Variants in ABTB3 observed in about 807,000 individuals in gnomAD.
ABTB3 encodes ankyrin repeat and BTB domain containing 3.
chr12:107,337,276 G>A, the ABTB3 span, among the ~76,000 whole-genome samples: 7 of 152,334 alleles, frequency 4.6e-5, no homozygotes, highest in African/African-American at 1.7e-4. Context: ...CTGCTGGCAG[G>A]CAAGTGAGTC....
the ABTB3 span, among the ~76,000 whole-genome samples, chr12:107,328,809 C>G: frequency 6.6e-6 from 1 of 152,194 alleles, no homozygotes; most frequent in Non-Finnish European, 1.5e-5. Context: ...CATAGGGGCC[C>G]CCAGGAGGAT....
At chr12:107,593,639 AT>A in the ABTB3 span, among the ~76,000 whole-genome samples, 13 of 152,378 alleles carry the variant, frequency 8.5e-5, no homozygotes, top group Admixed American at 8.5e-4. Flanking sequence ...ATATAGATTC[AT>A]TAGTTATAAT....
chr12:107,631,343 G>C, the ABTB3 span, among the ~76,000 whole-genome samples: 2 of 152,144 alleles, frequency 1.3e-5, no homozygotes, highest in Non-Finnish European at 2.9e-5. Flanking sequence ...TCTTTATCCA[G>C]TGCACCACTG....
chr12:107,601,936 T>G, the ABTB3 span, among the ~76,000 whole-genome samples: 1 of 152,122 alleles, frequency 6.6e-6, no homozygotes. Context: ...GCCTGGTGAG[T>G]GAGGGCACAG....
the ABTB3 span, among the ~76,000 whole-genome samples, chr12:107,490,012 G>GA: frequency 1.4e-3 from 215 of 150,918 alleles, 1 homozygote; most frequent in African/African-American, 4.8e-3. Context: ...AATATAGTTA[G>GA]AAAAAAAAAT....
chr12:107,628,523 T>G, the ABTB3 span, among the ~76,000 whole-genome samples: 1 of 152,208 alleles, frequency 6.6e-6, no homozygotes, highest in African/African-American at 2.4e-5. Flanking sequence ...TACTTTCTCT[T>G]GATTCTGAGA....
the ABTB3 span, among the ~76,000 whole-genome samples, chr12:107,550,310 T>C: frequency 2.9e-4 from 44 of 152,096 alleles, no homozygotes; most frequent in African/African-American, 7.5e-4. Context: ...CTGTCATTGT[T>C]TCCCCTAAAG....
At chr12:107,377,388 TGAGA>T in the ABTB3 span, among the ~76,000 whole-genome samples, 123 of 140,432 alleles carry the variant, frequency 8.8e-4, 1 homozygote, top group East Asian at 2.5e-3. Flanking sequence ...AACACTTCCT[TGAGA>T]GAGAGAGAGA....
the ABTB3 span, among the ~76,000 whole-genome samples, chr12:107,482,121 G>T: frequency 6.6e-6 from 1 of 152,064 alleles, no homozygotes; most frequent in Non-Finnish European, 1.5e-5. Flanking sequence ...AATTGGGGAT[G>T]CTATTACCAG....
At chr12:107,640,617 G>C in the ABTB3 span, among the ~76,000 whole-genome samples, 46 of 152,344 alleles carry the variant, frequency 3.0e-4, no homozygotes, top group African/African-American at 1.1e-3. Context: ...AGGGGCCAGG[G>C]GGGCCGAGCT....
At chr12:107,351,037 G>GA in the ABTB3 span, among the ~76,000 whole-genome samples, 189 of 150,918 alleles carry the variant, frequency 1.3e-3, 1 homozygote, top group Non-Finnish European at 2.1e-3. Flanking sequence ...TTGGAAACCG[G>GA]AAAAAAAAAC....
the ABTB3 span, among the ~76,000 whole-genome samples, chr12:107,495,079 A>G: frequency 1.3e-5 from 2 of 152,258 alleles, no homozygotes; most frequent in East Asian, 3.9e-4. Flanking sequence ...CCCAGCGCCC[A>G]AGGAGTCCTC....
the ABTB3 span, among the ~76,000 whole-genome samples, chr12:107,357,086 C>A: frequency 6.6e-6 from 1 of 152,224 alleles, no homozygotes; most frequent in African/African-American, 2.4e-5. Flanking sequence ...TGGGAAGTTG[C>A]TTGTGCATTG....
At chr12:107,534,201 C>A in the ABTB3 span, among the ~76,000 whole-genome samples, 2 of 140,054 alleles carry the variant, frequency 1.4e-5, no homozygotes, top group East Asian at 4.1e-4. Flanking sequence ...CATAGCAATA[C>A]CCTGTCTCTT....
At chr12:107,569,833 A>C in the ABTB3 span, among the ~76,000 whole-genome samples, 3 of 152,352 alleles carry the variant, frequency 2.0e-5, no homozygotes, top group African/African-American at 4.8e-5. Context: ...CCACTTAAGC[A>C]ACGGTCAGAA....
the ABTB3 span, among the ~76,000 whole-genome samples, chr12:107,525,994 C>T: frequency 6.6e-6 from 1 of 152,194 alleles, no homozygotes; most frequent in African/African-American, 2.4e-5. Context: ...CTTTTTCCCT[C>T]TGCTGTGCTG....
At chr12:107,319,194 A>G in the ABTB3 span, 1 of 1,595,232 alleles carries the variant, frequency 6.3e-7, no homozygotes, top group Non-Finnish European at 8.5e-7. Flanking sequence ...TGCGCCGGCC[A>G]GCACTGCTCG....
chr12:107,564,094 G>C, the ABTB3 span, among the ~76,000 whole-genome samples: 3,129 of 100,470 alleles, frequency 0.031, 71 homozygotes, highest in African/African-American at 0.059. Flanking sequence ...ATCTCTCTGT[G>C]TGTGTGTGTG....
the ABTB3 span, among the ~76,000 whole-genome samples, chr12:107,502,526 T>C: frequency 6.6e-6 from 1 of 152,068 alleles, no homozygotes; most frequent in Non-Finnish European, 1.5e-5. Context: ...CCACAGTACA[T>C]AAACATATAT....
Sources: allele counts gnomAD v4.1 joint callset (sites outside exome capture counted in the v4.1 genomes callset), GRCh38; gene constraint gnomAD v4.1.1; transcripts MANE v1.5; gene names NCBI Gene and HGNC (gene_info 2026-07-23, HGNC 2026-07-21).